The following PDE11A variants were observed in gnomAD, a reference collection of about 807,000 sequenced individuals.
The protein encoded by PDE11A is phosphodiesterase 11A, also known as dual 3',5'-cyclic-AMP and -GMP phosphodiesterase 11A.
In PDE11A, 100 loss-of-function variants were observed where a neutral mutation model predicts 100.5. That is an observed-to-expected ratio of 1.00 (90% CI 0.85 to 1.18). The LOEUF (loss-of-function observed/expected upper bound fraction) is 1.18. PDE11A is among the 50% of genes most tolerant of loss of function. The pLI is 0.00. For synonymous variants in PDE11A, 381 were observed against 420.8 expected, an observed-to-expected ratio of 0.91 and a Z score of 1.16; for missense variants, 1,141 against 1,152.6, an observed-to-expected ratio of 0.99 and a Z score of 0.15.
At chr2:177,719,581 G>A (rs1226530127) in intron 12 of PDE11A, among the ~76,000 whole-genome samples, 2 of 152,108 alleles carry the variant, frequency 1.3e-5, no homozygotes, top group African/African-American at 2.4e-5. Context: ...TCAAGGAGGT[G>A]CCTCCTCTAG....
At chr2:178,002,267 A>G (rs1430831132) in intron 2 of PDE11A, among the ~76,000 whole-genome samples, 1 of 152,182 alleles carries the variant, frequency 6.6e-6, no homozygotes, top group Non-Finnish European at 1.5e-5. Context: ...TTATGGCTGC[A>G]TAGTATTCCA....
intron 9 of PDE11A, among the ~76,000 whole-genome samples, chr2:177,774,918 T>C (rs2082358178): frequency 6.6e-6 from 1 of 152,182 alleles, no homozygotes; most frequent in African/African-American, 2.4e-5. Context: ...CTTGTCACCT[T>C]GAGATGGATT....
At chr2:177,755,639 T>C (rs1184017514) in intron 10 of PDE11A, among the ~76,000 whole-genome samples, 2 of 152,182 alleles carry the variant, frequency 1.3e-5, no homozygotes, top group Non-Finnish European at 2.9e-5. Context: ...AGTTGACTGG[T>C]CCAGGGATGG....
intron 14 of PDE11A, among the ~76,000 whole-genome samples, chr2:177,700,504 TG>T (rs1397738014): frequency 1.3e-5 from 2 of 152,148 alleles, no homozygotes; most frequent in African/African-American, 4.8e-5. Flanking sequence ...TAGTGGTTTC[TG>T]TTTTTCTCTG....
intron 1 of PDE11A, among the ~76,000 whole-genome samples, chr2:178,057,219 C>T (rs1022023811): frequency 2.0e-5 from 3 of 152,070 alleles, no homozygotes; most frequent in African/African-American, 4.8e-5. Flanking sequence ...AGAAGAATTG[C>T]GGGGGTTAAG....
chr2:177,882,193 G>C (rs1297497451), intron 4 of PDE11A, among the ~76,000 whole-genome samples: 1 of 152,146 alleles, frequency 6.6e-6, no homozygotes, highest in East Asian at 1.9e-4. Flanking sequence ...GCAAATTCTA[G>C]GCAGGCAGGC....
At chr2:178,088,087 C>T (rs965036687) in intron 2 of PDE11A, among the ~76,000 whole-genome samples, 7 of 152,176 alleles carry the variant, frequency 4.6e-5, no homozygotes, top group African/African-American at 1.7e-4. Flanking sequence ...ATGATGGCGC[C>T]CCACTCTGAC....
intron 2 of PDE11A, chr2:178,092,534 A>G (rs2087436265): frequency 6.6e-6 from 1 of 152,186 alleles, no homozygotes; most frequent in South Asian, 2.1e-4. Flanking sequence ...ATACTGAATA[A>G]GATCTTCTCT....
intron 1 of PDE11A, among the ~76,000 whole-genome samples, chr2:178,107,680 T>A (rs890173616): frequency 3.3e-5 from 5 of 151,756 alleles, no homozygotes; most frequent in Admixed American, 3.3e-4. Flanking sequence ...GAATTAATAT[T>A]CAATCTATAA....
intron 5 of PDE11A, among the ~76,000 whole-genome samples, chr2:177,845,333 C>A (rs1290418991): frequency 7.1e-6 from 1 of 141,650 alleles, no homozygotes; most frequent in South Asian, 2.3e-4. Flanking sequence ...CGGGCAGAGT[C>A]GCTCCTCACC....
chr2:177,710,095 G>GA (rs2081338160), intron 13 of PDE11A, among the ~76,000 whole-genome samples: 2 of 152,018 alleles, frequency 1.3e-5, no homozygotes, highest in Non-Finnish European at 2.9e-5. Flanking sequence ...ACAGCCAGCA[G>GA]AAAGGGACAG....
intron 15 of PDE11A, among the ~76,000 whole-genome samples, chr2:177,682,712 G>T (rs1405214700): frequency 6.6e-6 from 1 of 151,374 alleles, no homozygotes; most frequent in Non-Finnish European, 1.5e-5. Flanking sequence ...GACTTAAGAG[G>T]TGCTCCATGT....
intron 2 of PDE11A, among the ~76,000 whole-genome samples, chr2:177,945,785 C>G (rs1442256569): frequency 1.4e-5 from 2 of 145,390 alleles, no homozygotes; most frequent in African/African-American, 5.2e-5. Flanking sequence ...GGTGGGGGGT[C>G]AGCCCCCCCG....
rs182127002 is a variant in PDE11A at position 177,937,263 on chromosome 2, G to C, written c.1072-32076C>G. On this transcript the variant is annotated intron_variant, in intron 2 of 19. Transcript: ENST00000286063. ...TTAGTTATAAATGTCAACCCTGGGG[G>C]AGACATGAAAGACACACAACTGATT... Among the ~76,000 whole-genome samples, 4 of 151,296 alleles carry C rather than the reference G, an allele frequency of 2.6e-5. No homozygotes were observed. The East Asian group carries it at 7.8e-4, about 29-fold the overall frequency.
chr2:177,794,818 C>T (rs1191426501), intron 9 of PDE11A, among the ~76,000 whole-genome samples: 1 of 151,922 alleles, frequency 6.6e-6, no homozygotes, highest in Non-Finnish European at 1.5e-5. Context: ...CAGAGTCTCG[C>T]ACTGTTGCCC....
At chr2:177,728,382 C>CA (rs369596153) in intron 10 of PDE11A, among the ~76,000 whole-genome samples, 1 of 69,138 alleles carries the variant, frequency 1.4e-5, no homozygotes, top group African/African-American at 5.8e-5. Context: ...GGGTTGGGGG[C>CA]GGGGGGAGGG....
intron 2 of PDE11A, among the ~76,000 whole-genome samples, chr2:178,097,832 G>T (rs2087514427): frequency 1.3e-5 from 2 of 152,110 alleles, no homozygotes; most frequent in African/African-American, 4.8e-5. Flanking sequence ...TACAAGATCT[G>T]CACAACCGGT....
rs1362817639 is a variant in PDE11A at position 177,628,249 on chromosome 2, A to T, written c.*1158T>A. On this transcript the variant is annotated 3_prime_UTR_variant, in exon 20 of 20. Coordinates refer to ENST00000286063, the MANE Select transcript of PDE11A (RefSeq NM_016953.4). ...CCAGTCAATAATGCCAAAGCTAAGG[A>T]TAGAAATCTATCTTCTAGCCCAATG... 1 of 152,688 alleles carries T rather than the reference A, an allele frequency of 6.5e-6. No individual in the cohort carries two copies. Among genetic ancestry groups the T allele is most frequent in the Non-Finnish European group, 1.5e-5 (1 of 68,048 alleles). 9.5% of individuals were successfully genotyped at this position (152,688 alleles called of 1,614,324 possible). A position where few individuals can be genotyped will look rare whatever the true frequency, so the allele number is the denominator to read the frequency against.
intron 2 of PDE11A, among the ~76,000 whole-genome samples, chr2:177,924,235 C>T (rs1446130771): frequency 6.6e-6 from 1 of 152,132 alleles, no homozygotes; most frequent in African/African-American, 2.4e-5. Context: ...CACATATGAA[C>T]CCAAATTGTA....
Sources: gnomAD v4.1 joint callset for allele counts (sites outside exome capture counted in the v4.1 genomes callset) on GRCh38, gnomAD v4.1.1 for gene constraint, MANE v1.5 for transcripts, NCBI Gene and HGNC (gene_info 2026-07-23, HGNC 2026-07-21) for gene names.